The following NKAIN2 variants were observed in gnomAD, a reference collection of about 807,000 sequenced individuals.
NKAIN2 encodes the protein sodium/potassium transporting ATPase interacting 2.
Under a neutral mutation model 32.6 loss-of-function variants are expected in NKAIN2, and 14 were observed. The ratio of observed to expected loss-of-function variants is 0.43; its 90% CI spans 0.28 to 0.67. The LOEUF is 0.67. Ranked by LOEUF, NKAIN2 falls within the 30% of genes least tolerant of loss-of-function variation. The pLI, the probability that NKAIN2 is intolerant of heterozygous loss-of-function variation, is 0.17. For synonymous variants in NKAIN2, 80 were observed against 87.2 expected, an observed-to-expected ratio of 0.92 and a Z score of 0.46; for missense variants, 198 against 258.3, an observed-to-expected ratio of 0.77 and a Z score of 1.60.
At chr6:124,517,929 A>C (rs557209209) in intron 3 of NKAIN2, among the ~76,000 whole-genome samples, 2 of 152,266 alleles carry the variant, frequency 1.3e-5, no homozygotes, top group Admixed American at 6.5e-5. Context: ...GAAGTAATTT[A>C]AACCTTCATG....
At chr6:123,848,443 C>T (rs1449629628) in intron 1 of NKAIN2, among the ~76,000 whole-genome samples, 2 of 152,154 alleles carry the variant, frequency 1.3e-5, no homozygotes, top group African/African-American at 4.8e-5. Context: ...TGTCCTCATG[C>T]TGGTCTCATA....
chr6:124,437,876 T>TTTTTTG (rs1775522807), intron 3 of NKAIN2: 3 of 397,652 alleles, frequency 7.5e-6, no homozygotes, highest in South Asian at 5.5e-5. Context: ...CTATTGATTT[T>TTTTTTG]TTTTTTTTTT....
At chr6:124,379,988 CTT>C (rs1222045880) in intron 3 of NKAIN2, among the ~76,000 whole-genome samples, 1 of 152,098 alleles carries the variant, frequency 6.6e-6, no homozygotes, top group Non-Finnish European at 1.5e-5. Context: ...GGGAGGGAGA[CTT>C]TTACTTTTCA....
chr6:124,745,722 A>G lies in NKAIN2; in HGVS notation c.475-45617A>G, dbSNP rs186487622. ...GTATGAATTTTACTGTTATTTCTCA[A>G]TTGTGTTTCTGTGTATTCTTTAGAC... On this transcript the variant is annotated intron_variant, in intron 4 of 6. Transcript: ENST00000368417. Among the ~76,000 whole-genome samples the G allele has an allele frequency of 9.5e-4, 145 of 151,992 alleles. 1 individual carries two copies. Among genetic ancestry groups the G allele is most frequent in the African/African-American group, 3.4e-3 (140 of 41,516 alleles).
At chr6:123,966,290 T>C (rs1021461190) in intron 1 of NKAIN2, among the ~76,000 whole-genome samples, 2 of 152,172 alleles carry the variant, frequency 1.3e-5, no homozygotes, top group African/African-American at 4.8e-5. Context: ...CTGTCAACCT[T>C]GCCTTCCCTC....
chr6:124,268,179 C>G (rs1444852241), intron 1 of NKAIN2, among the ~76,000 whole-genome samples: 1 of 152,164 alleles, frequency 6.6e-6, no homozygotes, highest in Non-Finnish European at 1.5e-5. Flanking sequence ...CCAACACATG[C>G]AAGCACAACT....
At chr6:124,559,871 C>A (rs1780625102) in intron 3 of NKAIN2, among the ~76,000 whole-genome samples, 1 of 111,918 alleles carries the variant, frequency 8.9e-6, no homozygotes, top group Non-Finnish European at 1.7e-5. Context: ...TGCTTTAAGC[C>A]ATCAAGATCA....
At chr6:124,394,218 T>C (rs59307505) in intron 3 of NKAIN2, among the ~76,000 whole-genome samples, 2,175 of 152,250 alleles carry the variant, frequency 0.014, 41 homozygotes, top group African/African-American at 0.05. Context: ...GTGAAAAAAA[T>C]TGGGCTCCAT....
chr6:123,962,735 G>A (rs1230946713), intron 1 of NKAIN2, among the ~76,000 whole-genome samples: 1 of 152,182 alleles, frequency 6.6e-6, no homozygotes, highest in Non-Finnish European at 1.5e-5. Context: ...CACGCCACGT[G>A]AGGCACATTA....
At chr6:124,224,446 T>C (rs1311236120) in intron 1 of NKAIN2, among the ~76,000 whole-genome samples, 1 of 152,130 alleles carries the variant, frequency 6.6e-6, no homozygotes, top group East Asian at 1.9e-4. Context: ...TCACATCCTC[T>C]AAGAATTAGA....
chr6:124,705,739 C>T (rs1447708946), intron 4 of NKAIN2, among the ~76,000 whole-genome samples: 1 of 152,024 alleles, frequency 6.6e-6, no homozygotes, highest in Non-Finnish European at 1.5e-5. Flanking sequence ...ATAAGACATA[C>T]TGTTAAACCC....
chr6:123,938,213 G>A (rs1776611126), intron 1 of NKAIN2, among the ~76,000 whole-genome samples: 1 of 151,356 alleles, frequency 6.6e-6, no homozygotes, highest in Non-Finnish European at 1.5e-5. Context: ...AACACTAGGG[G>A]AAGAGATTTT....
At chr6:124,613,219 A>C (rs1252163343) in intron 3 of NKAIN2, among the ~76,000 whole-genome samples, 1 of 152,178 alleles carries the variant, frequency 6.6e-6, no homozygotes, top group African/African-American at 2.4e-5. Context: ...TATCAATAGC[A>C]AGACCACTGT....
chr6:124,676,720 T>G (rs1773375289), intron 4 of NKAIN2, among the ~76,000 whole-genome samples: 1 of 152,146 alleles, frequency 6.6e-6, no homozygotes, highest in South Asian at 2.1e-4. Flanking sequence ...CACCTTAGTC[T>G]CCCAAAGTAC....
intron 1 of NKAIN2, among the ~76,000 whole-genome samples, chr6:124,180,839 G>T (rs1027422779): frequency 6.6e-6 from 1 of 152,140 alleles, no homozygotes; most frequent in Admixed American, 6.5e-5. Flanking sequence ...AATGCCTGTG[G>T]CTTTTCCAGG....
At chr6:123,843,410 TCTC>T (rs745928021) in intron 1 of NKAIN2, among the ~76,000 whole-genome samples, 3 of 152,110 alleles carry the variant, frequency 2.0e-5, no homozygotes, top group Non-Finnish European at 2.9e-5. Flanking sequence ...AGCTGCCTCT[TCTC>T]CTCTCAATGT....
intron 1 of NKAIN2, among the ~76,000 whole-genome samples, chr6:124,040,455 ATAGG>A (rs1423595927): frequency 4.6e-5 from 7 of 152,008 alleles, no homozygotes; most frequent in Admixed American, 3.9e-4. Flanking sequence ...GTCATAGCTT[ATAGG>A]TTTTTAGATT....
intron 2 of NKAIN2, among the ~76,000 whole-genome samples, chr6:124,307,132 G>T (rs1049801123): frequency 6.6e-6 from 1 of 151,938 alleles, no homozygotes; most frequent in Non-Finnish European, 1.5e-5. Context: ...CATAAATTTA[G>T]TATATATCAT....
chr6:124,136,390 C>A (rs942299543), intron 1 of NKAIN2, among the ~76,000 whole-genome samples: 1 of 151,914 alleles, frequency 6.6e-6, no homozygotes, highest in African/African-American at 2.4e-5. Context: ...ACAAAAAAGT[C>A]CAGGATCAGA....
Sources: gnomAD v4.1 joint callset for allele counts (sites outside exome capture counted in the v4.1 genomes callset) on GRCh38, gnomAD v4.1.1 for gene constraint, MANE v1.5 for transcripts, NCBI Gene and HGNC (gene_info 2026-07-23, HGNC 2026-07-21) for gene names.